SUCLA2: variants seen among roughly 807,000 people sequenced by gnomAD.
SUCLA2 encodes the protein succinate-CoA ligase ADP-forming subunit beta, also known as succinate--CoA ligase [ADP-forming] subunit beta, mitochondrial.
Under a neutral mutation model 54.8 loss-of-function variants are expected in SUCLA2, and 30 were observed. That is an observed-to-expected ratio of 0.55 (90% CI 0.41 to 0.74). The LOEUF is 0.74. Among genes scored for constraint, SUCLA2 ranks in the 30% least tolerant of loss-of-function variants. The pLI is 0.00. For synonymous variants in SUCLA2, 172 were observed against 188.9 expected (o/e 0.91, Z 0.74); for missense variants, 476 against 562.9 (o/e 0.85, Z 1.56).
intron 6 of SUCLA2, among the ~76,000 whole-genome samples, chr13:47,962,131 T>G (rs1018149695): frequency 2.0e-5 from 3 of 152,176 alleles, no homozygotes; most frequent in East Asian, 3.8e-4. Flanking sequence ...ATGATTCTTT[T>G]GTTTGTTTTT....
chr13:47,998,530 G>A (rs1429873634), intron 1 of SUCLA2, among the ~76,000 whole-genome samples: 2 of 152,046 alleles, frequency 1.3e-5, no homozygotes, highest in Non-Finnish European at 2.9e-5. Context: ...TGGATAAACT[G>A]TGGTATATGT....
At chr13:47,964,262 C>G (rs1015203666) in intron 6 of SUCLA2, among the ~76,000 whole-genome samples, 1 of 151,470 alleles carries the variant, frequency 6.6e-6, no homozygotes, top group African/African-American at 2.4e-5. Flanking sequence ...AAAAAAAAAA[C>G]TATAGAGGAT....
In SUCLA2 at chr13:48,001,205, C is replaced by T. The variant is rs765190571; in HGVS notation, c.65G>A (p.Arg22Gln). 3 of 1,609,384 alleles carry T rather than the reference C, an allele frequency of 1.9e-6. No individual in the cohort carries two copies. Among genetic ancestry groups the T allele is most frequent in the Non-Finnish European group, 2.5e-6 (3 of 1,178,658 alleles). ...CTGAGCAGCAGCCCGCTGGGCCGTC[C>T]GAGGCCGGTGGTTCCGAAGGGTGGC... is the stretch of plus-strand genomic sequence containing the variant. ...AVATLRNHRP[R>Q]TAQRAAAQVL... Residue 22 changes from arginine to glutamine, a missense_variant, in exon 1 of 11, where the codon CGG becomes CAG. By Grantham distance (43) the Arg-to-Gln change is conservative (BLOSUM62 1). Around this residue, in one of 2 missense-constraint regions of SUCLA2, gnomAD observed 134 missense variants for 118.7 expected, o/e 1.13. Coordinates refer to ENST00000646932, the MANE Select transcript of SUCLA2 (RefSeq NM_003850.3).
At chr13:47,957,425 G>T (rs917573580) in intron 6 of SUCLA2, among the ~76,000 whole-genome samples, 2 of 152,178 alleles carry the variant, frequency 1.3e-5, no homozygotes, top group African/African-American at 4.8e-5. Context: ...GATGTGGGCA[G>T]GGAGTCTCAG....
At chr13:47,965,503 AAAAACAAACAAAC>A (rs1402672680) in intron 6 of SUCLA2, 6 of 384,222 alleles carry the variant, frequency 1.6e-5, no homozygotes, top group African/African-American at 1.3e-4. Context: ...TTAAAAAAAA[AAAAACAAACAAAC>A]AAAAAAAAAA....
At chr13:47,956,354 A>C (rs1040975333) in intron 6 of SUCLA2, among the ~76,000 whole-genome samples, 1 of 152,094 alleles carries the variant, frequency 6.6e-6, no homozygotes. Context: ...GAAATTATCC[A>C]ATCTGCAGGA....
At chr13:47,954,608 A>G (rs1453884171) in intron 6 of SUCLA2, 51 bp from the exon 7 acceptor site, 4 of 1,581,876 alleles carry the variant, frequency 2.5e-6, no homozygotes, top group Admixed American at 3.3e-5. Flanking sequence ...CAGATACAAT[A>G]AAGTATCAAA....
At chr13:47,975,247 GC>G (rs1182369729) in intron 4 of SUCLA2, among the ~76,000 whole-genome samples, 1 of 150,750 alleles carries the variant, frequency 6.6e-6, no homozygotes, top group East Asian at 1.9e-4. Flanking sequence ...TGCAACCTCC[GC>G]CCCCCAGGTT....
At chr13:47,985,035 C>T (rs1023179383) in intron 4 of SUCLA2, among the ~76,000 whole-genome samples, 3 of 152,126 alleles carry the variant, frequency 2.0e-5, no homozygotes, top group Admixed American at 2.0e-4. Context: ...TCTAATTTAA[C>T]AAAGGTATCA....
intron 5 of SUCLA2, among the ~76,000 whole-genome samples, chr13:47,972,505 C>T (rs1949975637): frequency 1.3e-5 from 2 of 151,092 alleles, no homozygotes; most frequent in Non-Finnish European, 1.5e-5. Context: ...TCCATCTCTA[C>T]TAAAAACAAA....
chr13:47,943,505 C>A, intron 10 of SUCLA2, 60 bp from the exon 11 acceptor site: 1 of 1,500,126 alleles, frequency 6.7e-7, no homozygotes. Context: ...CAGGTCAGTG[C>A]AAAATTAATG....
intron 5 of SUCLA2, chr13:47,971,651 G>A (rs931904217): frequency 4.7e-5 from 17 of 363,896 alleles, no homozygotes; most frequent in Admixed American, 2.3e-4. Flanking sequence ...CATACAAATT[G>A]AAAGAATTGA....
At chr13:47,969,148 G>T (rs908381416) in intron 5 of SUCLA2, among the ~76,000 whole-genome samples, 1 of 152,180 alleles carries the variant, frequency 6.6e-6, no homozygotes, top group African/African-American at 2.4e-5. Context: ...TGAGGGGCCA[G>T]ATCACTTGAG....
chr13:47,947,880 A>G (rs1413293926), intron 10 of SUCLA2, among the ~76,000 whole-genome samples: 1 of 152,202 alleles, frequency 6.6e-6, no homozygotes, highest in East Asian at 1.9e-4. Context: ...CACAGAAAAT[A>G]CTTTTCTTTT....
rs1949983472 is a variant in SUCLA2 at position 47,973,297 on chromosome 13, A to G, written c.630T>C (p.Ile210=). ...PEAIIKEPID[I]EEGIKKEQAL... is the part of the protein sequence containing the mutation. ...CTTGTTCCTTTTTGATGCCTTCTTCAATATCAATAGGTTCTTTAATTATTG... is the reference window on the plus strand; with the variant it reads ...CTTGTTCCTTTTTGATGCCTTCTTCGATATCAATAGGTTCTTTAATTATTG... Residue 210 remains isoleucine, a synonymous_variant, in exon 5 of 11, where the codon ATT becomes ATC. Transcript: ENST00000646932. The G allele has an allele frequency of 3.7e-6, 6 of 1,613,442 alleles. No homozygotes were observed. The highest frequency in any genetic ancestry group is 1.1e-5 in the South Asian group (1 of 91,076).
intron 2 of SUCLA2, among the ~76,000 whole-genome samples, chr13:47,991,871 A>C (rs533294043): frequency 9.1e-4 from 138 of 152,340 alleles, no homozygotes; most frequent in African/African-American, 3.3e-3. Flanking sequence ...ACTATTCACA[A>C]ATGTATCACA....
chr13:48,000,578 A>C lies in SUCLA2; in HGVS notation c.90+602T>G, dbSNP rs58750345. Among the ~76,000 whole-genome samples the C allele has an allele frequency of 1.0e-3, 155 of 152,340 alleles. 1 individual carries two copies. Among genetic ancestry groups the C allele is most frequent in the African/African-American group, 3.4e-3 (140 of 41,584 alleles). On this transcript the variant is annotated intron_variant, in intron 1 of 10. Coordinates refer to ENST00000646932, the MANE Select transcript of SUCLA2 (RefSeq NM_003850.3). Reference sequence around the variant, plus strand: ...CTATTATGCTATAGCCTATCCAGAAATAAGGCTATACAAAAGATTATTTTC... The same window carrying C: ...CTATTATGCTATAGCCTATCCAGAACTAAGGCTATACAAAAGATTATTTTC...
At chr13:47,944,485 C>T (rs1544078) in intron 10 of SUCLA2, among the ~76,000 whole-genome samples, 94,962 of 151,114 alleles carry the variant, frequency 0.63, 30,651 homozygotes, top group East Asian at 0.79. Context: ...CCAAGCTTTT[C>T]TTAATTTAAG....
At chr13:47,971,818 G>C (rs1301101650) in intron 5 of SUCLA2, 2 of 398,322 alleles carry the variant, frequency 5.0e-6, no homozygotes, top group Non-Finnish European at 8.9e-6. Flanking sequence ...TTAAACCATG[G>C]AGATATAAAA....
Sources: gnomAD v4.1 joint callset for allele counts (sites outside exome capture counted in the v4.1 genomes callset) on GRCh38, gnomAD v4.1.1 for gene constraint, gnomAD v4.1.1 regional missense constraint, MANE v1.5 for transcripts, NCBI Gene and HGNC (gene_info 2026-07-23, HGNC 2026-07-21) for gene names.